The following SPAG9 variants were observed in gnomAD, a reference collection of about 807,000 sequenced individuals.
SPAG9 encodes C-Jun-amino-terminal kinase-interacting protein 4.
In SPAG9, 35 loss-of-function variants were observed where a neutral mutation model predicts 166.5. That is an observed-to-expected ratio of 0.21 (90% confidence interval 0.16 to 0.28). The LOEUF (loss-of-function observed/expected upper bound fraction) is 0.28. SPAG9 is among the 10% of genes least tolerant of loss of function. The pLI is 1.00. For synonymous variants in SPAG9, 534 were observed against 565.5 expected (o/e 0.94, Z 0.79); for missense variants, 1,235 against 1,603.3 (o/e 0.77, Z 3.92).
intron 5 of SPAG9, among the ~76,000 whole-genome samples, chr17:51,039,146 A>G (rs1185927396): frequency 6.6e-6 from 1 of 152,220 alleles, no homozygotes; most frequent in Non-Finnish European, 1.5e-5. Flanking sequence ...TGGTAGTAAC[A>G]CTAACATTAA....
chr17:51,096,003 AG>A (rs2048628403), intron 1 of SPAG9, among the ~76,000 whole-genome samples: 2 of 121,436 alleles, frequency 1.6e-5, no homozygotes, highest in African/African-American at 2.9e-5. Context: ...ATATATATAT[AG>A]TGATATATAT....
chr17:50,980,076 G>T (rs563700331), intron 25 of SPAG9, among the ~76,000 whole-genome samples, 159 bp from the exon 26 acceptor site: 1 of 152,134 alleles, frequency 6.6e-6, no homozygotes, highest in African/African-American at 2.4e-5. Context: ...TTTCATCCTG[G>T]AATGCAAAAA....
chr17:51,039,385 G>A lies in SPAG9; in HGVS notation c.741+2116C>T, dbSNP rs115689262. On this transcript the variant is annotated intron_variant, in intron 5 of 29. Coordinates refer to ENST00000262013, the MANE Select transcript of SPAG9 (RefSeq NM_001130528.3). ...CTGGTAAAGTAGAAAGTTATCTAGT[G>A]AACGACAAGGGCTTAGGTGAAAAAT... is the stretch of plus-strand genomic sequence containing the variant. Among the ~76,000 whole-genome samples, 533 of 152,240 alleles carry A rather than the reference G, an allele frequency of 3.5e-3. 2 individuals carry two copies. Among genetic ancestry groups the A allele is most frequent in the African/African-American group, 0.012 (513 of 41,522 alleles).
chr17:51,053,847 AAAAAAAAGT>A (rs2047253321), intron 3 of SPAG9, among the ~76,000 whole-genome samples: 3 of 74,480 alleles, frequency 4.0e-5, no homozygotes, highest in African/African-American at 1.3e-4. Flanking sequence ...AAAAAAAAAA[AAAAAAAAGT>A]ATATATATAT....
chr17:50,962,343 C>T lies in SPAG9; in HGVS notation c.*3929G>A, dbSNP rs888770129. 1.2e-4 allele frequency: 18 copies of T among 152,096 alleles called. No individual in the cohort carries two copies. The highest frequency in any genetic ancestry group is 1.2e-3 in the Admixed American group (18 of 15,258). The allele number at this position is 152,096 out of a possible 1,614,324, so 9.4% of individuals were successfully genotyped here. A position where few individuals can be genotyped will look rare whatever the true frequency, so the allele number is the denominator to read the frequency against. The stretch of plus-strand genomic sequence containing the variant: ...AGACAGCAAGTGGGACATTCTAGAA[C>T]CCATTTTTCAGATTATAGAGGCAAG... On this transcript the variant is annotated 3_prime_UTR_variant, in exon 30 of 30. Coordinates refer to ENST00000262013, the MANE Select transcript of SPAG9 (RefSeq NM_001130528.3).
Position 50,984,953 on chromosome 17 carries a change from C to A in SPAG9, c.3058G>T (p.Gly1020Cys). 6.2e-7 allele frequency: 1 copy of A among 1,614,076 alleles called. No individual in the cohort carries two copies. Among genetic ancestry groups the A allele is most frequent in the Non-Finnish European group, 8.5e-7 (1 of 1,179,998 alleles). ...CCTCTGTGAAAGATTGCAAGGGTGCCGTCAGCCAGGGCTACTAACACGATT... is the reference window on the plus strand; with the variant it reads ...CCTCTGTGAAAGATTGCAAGGGTGCAGTCAGCCAGGGCTACTAACACGATT... Reference protein sequence around the residue: ...KGIVLVALADGTLAIFHRGVD... With the variant: ...KGIVLVALADCTLAIFHRGVD... The change falls in exon 24 of 30, where the codon GGC becomes TGC. Residue 1020 changes from glycine (G) to cysteine (C), a missense_variant. Gly to Cys is a radical substitution (Grantham distance 159). Around this residue, in one of 6 missense-constraint regions of SPAG9, gnomAD observed 493 missense variants for 559.4 expected, o/e 0.88. Coordinates refer to ENST00000262013, the MANE Select transcript of SPAG9 (RefSeq NM_001130528.3).
In SPAG9 at chr17:50,976,904, C is replaced by T. The variant is rs551701322; in HGVS notation, c.3523+204G>A. On this transcript the variant is annotated intron_variant, in intron 27 of 29. Transcript: ENST00000262013. ...CTGAACTGTGAAAATGTTTTGACAA[C>T]GAAAAACTTTTAATTATGAGTATTG... 135 of 424,334 alleles carry T rather than the reference C, an allele frequency of 3.2e-4. 1 individual carries two copies. In the Middle Eastern group the frequency reaches 3.8e-3, roughly 12 times the overall value. The allele number at this position is 424,334 out of a possible 1,614,324, so 26.3% of individuals were successfully genotyped here.
At chr17:50,976,927 T>C (rs1360850661) in intron 27 of SPAG9, 181 bp downstream of exon 27, 2 of 513,878 alleles carry the variant, frequency 3.9e-6, no homozygotes, top group East Asian at 3.3e-5. Context: ...ATTATGAGTA[T>C]TGGTCTTGAT....
intron 2 of SPAG9, among the ~76,000 whole-genome samples, chr17:51,068,105 C>G (rs1391585318): frequency 6.6e-6 from 1 of 152,180 alleles, no homozygotes; most frequent in Non-Finnish European, 1.5e-5. Context: ...TTTTACTGTT[C>G]CTGGAAGGCA....
intron 1 of SPAG9, among the ~76,000 whole-genome samples, chr17:51,098,014 G>A (rs933366068): frequency 1.3e-5 from 2 of 152,008 alleles, no homozygotes; most frequent in African/African-American, 4.8e-5. Flanking sequence ...TGTAGAGACA[G>A]GGTTTCATCA....
At chr17:51,101,916 C>T (rs2048818863) in intron 1 of SPAG9, among the ~76,000 whole-genome samples, 2 of 152,236 alleles carry the variant, frequency 1.3e-5, no homozygotes, top group South Asian at 2.1e-4. Flanking sequence ...TAAGCCACCG[C>T]GCCTGGCCTA....
intron 16 of SPAG9, chr17:50,995,878 T>G: frequency 5.3e-6 from 1 of 188,112 alleles, no homozygotes; most frequent in South Asian, 1.3e-4. Context: ...TTGCCTAGGC[T>G]GGTCTCAAAC....
intron 29 of SPAG9, among the ~76,000 whole-genome samples, chr17:50,966,670 ACCGATGGTC>A (rs1466289031): frequency 6.6e-6 from 1 of 152,252 alleles, no homozygotes; most frequent in Non-Finnish European, 1.5e-5. Flanking sequence ...ATGTCTGCAT[ACCGATGGTC>A]CAGACATGGG....
At chr17:51,084,387 A>T (rs2048250137) in intron 1 of SPAG9, 1 of 151,392 alleles carries the variant, frequency 6.6e-6, no homozygotes, top group Admixed American at 6.6e-5. Context: ...AAAGTAACCA[A>T]AAAAAAAATT....
intron 2 of SPAG9, among the ~76,000 whole-genome samples, chr17:51,073,951 A>C (rs1019493022): frequency 1.3e-5 from 2 of 148,418 alleles, no homozygotes; most frequent in South Asian, 4.3e-4. Context: ...AAATACAAAA[A>C]TTAGGCCGGG....
chr17:51,025,049 T>C (rs1358588835), intron 6 of SPAG9, among the ~76,000 whole-genome samples: 1 of 149,896 alleles, frequency 6.7e-6, no homozygotes, highest in East Asian at 2.0e-4. Context: ...CCAGGTGCAG[T>C]GGCTCACGCC....
chr17:51,041,758 C>CA lies in SPAG9; in HGVS notation c.591-108dup. On this transcript the variant is annotated intron_variant, in intron 4 of 29. Transcript: ENST00000262013. ...CTGCCACTGTTTTACAACCATCACT[C>CA]AAAAATGACACTGTCTGCCCATCTG... 3 of 989,076 alleles carry CA rather than the reference C, an allele frequency of 3.0e-6. No homozygotes were observed. The South Asian group carries it at 4.7e-5, about 16-fold the overall frequency. The allele number at this position is 989,076 out of a possible 1,614,324, so 61.3% of individuals were successfully genotyped here.
chr17:51,037,292 C>CA (rs1456878098), intron 5 of SPAG9, among the ~76,000 whole-genome samples: 2 of 151,922 alleles, frequency 1.3e-5, no homozygotes, highest in Non-Finnish European at 2.9e-5. Flanking sequence ...TTTGTAGAGA[C>CA]AGAGTCGCTT....
Position 51,093,592 on chromosome 17 carries a change from G to A in SPAG9, c.304-13888C>T, listed in dbSNP as rs762881269. 1.0e-3 allele frequency among the ~76,000 whole-genome samples: 156 copies of A among 151,648 alleles called. 1 individual carries two copies. The highest frequency in any genetic ancestry group is 3.4e-3 in the Middle Eastern group (1 of 294). ...TGCCTCTAGTCCCTGCTACTCGGGA[G>A]GCTGAGGCAGGAGAATGGCGTGAAC... On this transcript the variant is annotated intron_variant, in intron 1 of 29. Coordinates refer to ENST00000262013, the MANE Select transcript of SPAG9 (RefSeq NM_001130528.3).
Sources: gnomAD v4.1 joint callset for allele counts (sites outside exome capture counted in the v4.1 genomes callset) on GRCh38, gnomAD v4.1.1 for gene constraint, gnomAD v4.1.1 regional missense constraint, MANE v1.5 for transcripts, NCBI Gene and HGNC (gene_info 2026-07-23, HGNC 2026-07-21) for gene names.